Variants in PDCD6IP observed in about 807,000 individuals in gnomAD.
PDCD6IP encodes programmed cell death 6 interacting protein, also known as programmed cell death 6-interacting protein.
A neutral mutation model predicts 103.7 loss-of-function variants in PDCD6IP; 43 were observed. The observed-to-expected ratio is 0.41, with a 90% CI of 0.32 to 0.53. The LOEUF is 0.53. PDCD6IP is among the 20% of genes least tolerant of loss of function. PDCD6IP has a pLI of 0.16. For synonymous variants in PDCD6IP, 354 were observed against 378.7 expected (o/e 0.93, Z 0.76); for missense variants, 871 against 1,036.7 (o/e 0.84, Z 2.20).
chr3:33,855,301 T>C, intron 15 of PDCD6IP, 41 bp downstream of exon 15: 1 of 1,274,840 alleles, frequency 7.8e-7, no homozygotes, highest in East Asian at 2.3e-5. Context: ...TAAAGAATTT[T>C]CTTTTAAAAA....
At chr3:33,862,791 CTG>C (rs1697981990) in intron 15 of PDCD6IP, among the ~76,000 whole-genome samples, 2 of 152,254 alleles carry the variant, frequency 1.3e-5, no homozygotes, top group South Asian at 4.1e-4. Flanking sequence ...CTATGAGTCA[CTG>C]TAGTTTTCTG....
At chr3:33,818,668 G>A (rs764872390) in intron 3 of PDCD6IP, among the ~76,000 whole-genome samples, 1 of 151,506 alleles carries the variant, frequency 6.6e-6, no homozygotes, top group African/African-American at 2.4e-5. Flanking sequence ...ACAGGTGTGC[G>A]CCACCACGTC....
At chr3:33,852,962 C>T (rs1363178970) in intron 13 of PDCD6IP, among the ~76,000 whole-genome samples, 2 of 141,782 alleles carry the variant, frequency 1.4e-5, no homozygotes, top group Admixed American at 7.8e-5. Flanking sequence ...CTCTCTCTGT[C>T]GCCCAGGCTG....
intron 17 of PDCD6IP, among the ~76,000 whole-genome samples, chr3:33,865,868 G>A (rs1020262298): frequency 6.6e-6 from 1 of 152,102 alleles, no homozygotes; most frequent in Non-Finnish European, 1.5e-5. Flanking sequence ...AATCTCTGTG[G>A]TAATTTCTTA....
chr3:33,841,529 C>T (rs552604094), intron 9 of PDCD6IP, among the ~76,000 whole-genome samples: 171 of 148,196 alleles, frequency 1.2e-3, no homozygotes, highest in African/African-American at 4.1e-3. Context: ...AGCTCCGCCT[C>T]CCGGGTTCAC....
chr3:33,817,556 C>A lies in PDCD6IP; in HGVS notation c.334+3928C>A, dbSNP rs556706300. On this transcript the variant is annotated intron_variant, in intron 3 of 17. Transcript: ENST00000307296. ...ATCACTTGAGCCCAGGAGTACAAGA[C>A]CAGCTTGGGGAACAGACGAAACTCT... 5.9e-5 allele frequency among the ~76,000 whole-genome samples: 9 copies of A among 152,004 alleles called. No homozygotes were observed. In the South Asian group the frequency reaches 1.9e-3, roughly 32 times the overall value.
intron 3 of PDCD6IP, among the ~76,000 whole-genome samples, chr3:33,818,097 GTTTTTTT>G (rs756780125): frequency 1.5e-5 from 1 of 68,086 alleles, no homozygotes; most frequent in African/African-American, 6.4e-5. Flanking sequence ...TTTCATTCTT[GTTTTTTT>G]TTTTTTTTTT....
At chr3:33,822,157 T>C (rs1408005514) in intron 4 of PDCD6IP, 75 bp downstream of exon 4, 1 of 1,440,512 alleles carries the variant, frequency 6.9e-7, no homozygotes, top group East Asian at 2.3e-5. Context: ...TGCATTTAGG[T>C]TTATAGATAC....
At chr3:33,807,117 T>A (rs1418143619) in intron 1 of PDCD6IP, among the ~76,000 whole-genome samples, 1 of 152,248 alleles carries the variant, frequency 6.6e-6, no homozygotes, top group Non-Finnish European at 1.5e-5. Flanking sequence ...GTTTTGTTAG[T>A]TGGCCTCAAA....
chr3:33,822,188 T>C, intron 4 of PDCD6IP, 106 bp downstream of exon 4: 1 of 1,186,376 alleles, frequency 8.4e-7, no homozygotes, highest in Non-Finnish European at 1.2e-6. Context: ...ACAGATGTTT[T>C]CTAAAACGAA....
intron 7 of PDCD6IP, among the ~76,000 whole-genome samples, chr3:33,832,326 T>G (rs1220779636): frequency 6.6e-6 from 1 of 152,104 alleles, no homozygotes; most frequent in East Asian, 1.9e-4. Context: ...CCCCATTATT[T>G]TCCAAAGGTC....
intron 7 of PDCD6IP, among the ~76,000 whole-genome samples, chr3:33,834,621 A>G (rs948411965): frequency 6.6e-6 from 1 of 152,228 alleles, no homozygotes; most frequent in Non-Finnish European, 1.5e-5. Context: ...AAGAATATTG[A>G]ATTTTATCAA....
intron 7 of PDCD6IP, among the ~76,000 whole-genome samples, chr3:33,833,284 T>G (rs1389053148): frequency 6.6e-6 from 1 of 152,098 alleles, no homozygotes; most frequent in Non-Finnish European, 1.5e-5. Context: ...TTTCCCTGAT[T>G]TTTTTCTCAG....
At chr3:33,856,267 G>C (rs1281264001) in intron 15 of PDCD6IP, among the ~76,000 whole-genome samples, 3 of 152,172 alleles carry the variant, frequency 2.0e-5, no homozygotes, top group Non-Finnish European at 2.9e-5. Flanking sequence ...GGAACACTTT[G>C]AGCAGAAATT....
Position 33,826,559 on chromosome 3 carries a change from A to T in PDCD6IP, c.696A>T (p.Gln232His). Residue 232 changes from glutamine (Q) to histidine (H), a missense_variant, in exon 6 of 18, where the codon CAA becomes CAT. Coordinates refer to ENST00000307296, the MANE Select transcript of PDCD6IP (RefSeq NM_013374.6). ...TTGGTGATGCTTTCAAACAGTGTCAATACAAAGATACTCTCCCCAAGGTCA... is the reference window on the plus strand; with the variant it reads ...TTGGTGATGCTTTCAAACAGTGTCATTACAAAGATACTCTCCCCAAGGTCA... ...DYFGDAFKQC[Q>H]YKDTLPKEVF... 1.2e-6 allele frequency: 2 copies of T among 1,611,828 alleles called. No homozygotes were observed. The highest frequency in any genetic ancestry group is 1.7e-6 in the Non-Finnish European group (2 of 1,178,250).
At chr3:33,809,371 A>G (rs1266558763) in intron 1 of PDCD6IP, among the ~76,000 whole-genome samples, 1 of 152,208 alleles carries the variant, frequency 6.6e-6, no homozygotes, top group Admixed American at 6.5e-5. Flanking sequence ...AAATGGTGGT[A>G]AAAAGAGTGA....
At chr3:33,802,088 GTGTAGTGTTTC>G (rs1696487393) in intron 1 of PDCD6IP, among the ~76,000 whole-genome samples, 1 of 152,196 alleles carries the variant, frequency 6.6e-6, no homozygotes, top group African/African-American at 2.4e-5. Context: ...CCCAGGGCTG[GTGTAGTGTTTC>G]TGTGGAGTTA....
intron 12 of PDCD6IP, among the ~76,000 whole-genome samples, chr3:33,848,345 T>C (rs554181852): frequency 5.9e-5 from 9 of 152,306 alleles, no homozygotes; most frequent in Admixed American, 4.6e-4. Context: ...TTGCCTTTTC[T>C]GAAAATAAAA....
At chr3:33,866,108 A>C (rs1202307856) in intron 17 of PDCD6IP, among the ~76,000 whole-genome samples, 3 of 151,778 alleles carry the variant, frequency 2.0e-5, no homozygotes, top group African/African-American at 7.3e-5. Context: ...ATTTAATCTT[A>C]TTTTCTTCAG....
Sources: gnomAD v4.1 joint callset for allele counts (sites outside exome capture counted in the v4.1 genomes callset) on GRCh38, gnomAD v4.1.1 for gene constraint, MANE v1.5 for transcripts, NCBI Gene and HGNC (gene_info 2026-07-23, HGNC 2026-07-21) for gene names.